The following ABCD2 variants were observed in gnomAD, a reference collection of about 807,000 sequenced individuals.
ABCD2 encodes ATP binding cassette subfamily D member 2.
A neutral mutation model predicts 70.9 loss-of-function variants in ABCD2; 36 were observed. That is an observed-to-expected ratio of 0.51 (90% confidence interval 0.39 to 0.67). ABCD2 has a LOEUF of 0.67. Ranked by LOEUF, ABCD2 falls within the 30% of genes least tolerant of loss-of-function variation. ABCD2 has a pLI of 0.00. For synonymous variants in ABCD2, 304 were observed against 306.9 expected (o/e 0.99, Z 0.10); for missense variants, 729 against 890.2 (o/e 0.82, Z 2.30).
At chr12:39,536,682 AACTT>A in the ABCD2 span, among the ~76,000 whole-genome samples, 2 of 152,154 alleles carry the variant, frequency 1.3e-5, no homozygotes, top group Non-Finnish European at 2.9e-5. Flanking sequence ...GTATACAAGA[AACTT>A]AACTGGACAA....
chr12:39,547,146 A>G (rs1278806277), downstream of ABCD2, among the ~76,000 whole-genome samples: 1 of 152,104 alleles, frequency 6.6e-6, no homozygotes, highest in African/African-American at 2.4e-5. Flanking sequence ...GAGATATCAC[A>G]TCATACTCAT....
chr12:39,570,543 A>T (rs563715515), intron 9 of ABCD2, among the ~76,000 whole-genome samples: 1 of 152,324 alleles, frequency 6.6e-6, no homozygotes, highest in South Asian at 2.1e-4. Context: ...AGAAGAATGA[A>T]ATTTGACCCT....
At chr12:39,536,337 G>A in the ABCD2 span, among the ~76,000 whole-genome samples, 1 of 152,194 alleles carries the variant, frequency 6.6e-6, no homozygotes. Flanking sequence ...AAACTCTGGT[G>A]GCACTGAGAG....
At chr12:39,541,887 A>G in the ABCD2 span, among the ~76,000 whole-genome samples, 1 of 152,212 alleles carries the variant, frequency 6.6e-6, no homozygotes, top group Admixed American at 6.5e-5. Context: ...AAGAATACAG[A>G]CAGAAAGATG....
chr12:39,607,589 A>G lies in ABCD2; in HGVS notation c.1236+10T>C, dbSNP rs1283763262. ...ATTTTAATTGAATTGACAATAAGAA[A>G]TGCAAGTACCTCTTTGTATGAAGAC... is the stretch of plus-strand genomic sequence containing the variant. On this transcript the variant is annotated intron_variant, in intron 3 of 9. Coordinates refer to ENST00000308666, the MANE Select transcript of ABCD2 (RefSeq NM_005164.4). The G allele has an allele frequency of 6.4e-7, 1 of 1,555,768 alleles. No homozygotes were observed.
chr12:39,573,607 G>T, intron 9 of ABCD2, 109 bp downstream of exon 9: 1 of 1,222,524 alleles, frequency 8.2e-7, no homozygotes, highest in Non-Finnish European at 1.1e-6. Flanking sequence ...AATATGGGTA[G>T]AAAATAAGTG....
At chr12:39,567,215 A>G (rs1051590491) in intron 9 of ABCD2, among the ~76,000 whole-genome samples, 1 of 152,062 alleles carries the variant, frequency 6.6e-6, no homozygotes, top group African/African-American at 2.4e-5. Flanking sequence ...TGATCTGTCT[A>G]ATGTCGACAG....
At position 39,603,969 on chromosome 12, in the gene ABCD2, T is replaced by G. The variant is rs1332268684; in HGVS notation, c.1443A>C (p.Glu481Asp). The change falls in exon 5 of 10, where the codon GAA (glutamate) becomes GAC (aspartate). Residue 481 changes from glutamate (E) to aspartate (D), a missense_variant. By Grantham distance (45) the Glu-to-Asp change is conservative. Around this residue, in one of 3 missense-constraint regions of ABCD2, gnomAD observed 289 missense variants for 328.8 expected, o/e 0.88. Transcript: ENST00000308666. ...CTGCTGGTGTAATTATGGGAACATT[T>G]TCACAAATAATTCCGTGATCCACAT... ...VIDVDHGIIC[E>D]NVPIITPAGE... 3.7e-6 allele frequency: 6 copies of G among 1,612,814 alleles called. No homozygotes were observed. The African/African-American group carries it at 5.3e-5, about 14-fold the overall frequency.
At chr12:39,581,441 G>C (rs1330333258) in intron 7 of ABCD2, among the ~76,000 whole-genome samples, 1 of 151,996 alleles carries the variant, frequency 6.6e-6, no homozygotes, top group Non-Finnish European at 1.5e-5. Flanking sequence ...CATTTTTTAA[G>C]TAAGAAAATA....
chr12:39,586,213 G>C lies in ABCD2; in HGVS notation c.1731C>G (p.Asp577Glu). The change falls in exon 7 of 10, where the codon GAC becomes GAG. Residue 577 changes from aspartate (D) to glutamate (E), a missense_variant. By Grantham distance (45) the Asp-to-Glu change is conservative. This residue lies in a region of ABCD2 where 289 missense variants were observed against 328.8 expected (regional missense o/e 0.88). Coordinates refer to ENST00000308666, the MANE Select transcript of ABCD2 (RefSeq NM_005164.4). ...TGTGTAGGATACGTTCCAGATCTTGGTCTGTATAACCTTTATCATGCATAT... is the reference window on the plus strand; with the variant it reads ...TGTGTAGGATACGTTCCAGATCTTGCTCTGTATAACCTTTATCATGCATAT... ...VDDMHDKGYT[D>E]QDLERILHNV... 1 of 1,613,490 alleles carries C rather than the reference G, an allele frequency of 6.2e-7. No homozygotes were observed. The highest frequency in any genetic ancestry group is 2.2e-5 in the East Asian group (1 of 44,832).
In ABCD2 at chr12:39,619,120, A is replaced by T. The variant is rs757618278; in HGVS notation, c.496T>A (p.Tyr166Asn). 1 of 1,614,076 alleles carries T rather than the reference A, an allele frequency of 6.2e-7. No individual in the cohort carries two copies. ...PATFVNSAIR[Y>N]LECKLALAFR... ...GCCAAAGCCAATTTGCATTCCAGGT[A>T]CCTTATTGCACTGTTGACGAAGGTA... is the stretch of plus-strand genomic sequence containing the variant. The change falls in exon 1 of 10, where the codon TAC becomes AAC. Residue 166 changes from tyrosine (Y) to asparagine (N), a missense_variant. Physicochemically the swap from Tyr to Asn is moderately radical, Grantham distance 143 (BLOSUM62 -2). Around this residue, in one of 3 missense-constraint regions of ABCD2, gnomAD observed 245 missense variants for 261.2 expected, o/e 0.94. Transcript: ENST00000308666.
intron 9 of ABCD2, among the ~76,000 whole-genome samples, chr12:39,560,596 G>C (rs1419085849): frequency 6.6e-6 from 1 of 151,784 alleles, no homozygotes; most frequent in Non-Finnish European, 1.5e-5. Flanking sequence ...AAGGGTAAAG[G>C]TTGTGTTTTT....
At position 39,556,306 on chromosome 12, in the gene ABCD2, C is replaced by A. The variant is rs1941164224; in HGVS notation, c.2004-2175G>T. On this transcript the variant is annotated intron_variant, in intron 9 of 9. Coordinates refer to ENST00000308666, the MANE Select transcript of ABCD2 (RefSeq NM_005164.4). ...ATAATATGGTTTTTCTGCATCCCCACCCAAAATCTCATTTTGAATTGTAAT... is the reference window on the plus strand; with the variant it reads ...ATAATATGGTTTTTCTGCATCCCCAACCAAAATCTCATTTTGAATTGTAAT... 2.0e-5 allele frequency among the ~76,000 whole-genome samples: 3 copies of A among 152,262 alleles called. No homozygotes were observed. In the Middle Eastern group the frequency reaches 0.01, roughly 518 times the overall value.
At chr12:39,606,609 C>CAAAA (rs1485096775) in intron 3 of ABCD2, among the ~76,000 whole-genome samples, 7 of 152,020 alleles carry the variant, frequency 4.6e-5, no homozygotes, top group African/African-American at 7.3e-5. Flanking sequence ...ATCAAAATTA[C>CAAAA]TATTTGAACT....
chr12:39,599,173 G>A (rs1009280029), intron 6 of ABCD2, among the ~76,000 whole-genome samples: 1 of 152,112 alleles, frequency 6.6e-6, no homozygotes, highest in East Asian at 1.9e-4. Flanking sequence ...TGCAGGCAAA[G>A]GCTAGAATTT....
intron 3 of ABCD2, among the ~76,000 whole-genome samples, chr12:39,606,225 A>G (rs916578463): frequency 4.6e-5 from 7 of 152,174 alleles, no homozygotes; most frequent in Non-Finnish European, 1.0e-4. Context: ...ACAAAAACTA[A>G]GAATGTGCCG....
chr12:39,535,227 T>C, the ABCD2 span, among the ~76,000 whole-genome samples: 4 of 152,152 alleles, frequency 2.6e-5, no homozygotes, highest in African/African-American at 4.8e-5. Flanking sequence ...GATTAAGTAA[T>C]CACAAAATGT....
rs760782253 is a variant in ABCD2 at position 39,579,526 on chromosome 12, T to C, written c.1877+9A>G. The C allele has an allele frequency of 1.9e-6, 3 of 1,604,128 alleles. No individual in the cohort carries two copies. The highest frequency in any genetic ancestry group is 1.7e-5 in the Admixed American group (1 of 59,818). On this transcript the variant is annotated intron_variant, in intron 8 of 9. Coordinates refer to ENST00000308666, the MANE Select transcript of ABCD2 (RefSeq NM_005164.4). ...TGGCCTAGTAGTTACCTGAATTTAG[T>C]ATACTTACTTATGATAAAACATACG...
rs1379112635 is a variant in ABCD2 at position 39,553,679 on chromosome 12, G to A, written c.*233C>T. Reference sequence around the variant, plus strand: ...ACCTAGAAAATCCTGTTTTACAAGTGCATTAGGCCTTCACTAGGAATTAGT... The same window carrying A: ...ACCTAGAAAATCCTGTTTTACAAGTACATTAGGCCTTCACTAGGAATTAGT... On this transcript the variant is annotated 3_prime_UTR_variant, in exon 10 of 10. Transcript: ENST00000308666. The A allele has an allele frequency of 6.5e-6, 3 of 458,958 alleles. No homozygotes were observed. The highest frequency in any genetic ancestry group is 1.2e-5 in the Non-Finnish European group (3 of 258,068). The allele number at this position is 458,958 out of a possible 1,614,324, so 28.4% of individuals were successfully genotyped here.
Sources: allele counts gnomAD v4.1 joint callset (sites outside exome capture counted in the v4.1 genomes callset), GRCh38; gene constraint gnomAD v4.1.1; regional missense constraint gnomAD v4.1.1; transcripts MANE v1.5; gene names NCBI Gene and HGNC (gene_info 2026-07-23, HGNC 2026-07-21).